The following ENTREP2 variants were observed in gnomAD, a reference collection of about 807,000 sequenced individuals.
ENTREP2 encodes the protein protein ENTREP2.
At chr15:29,420,875 A>G in the ENTREP2 span, among the ~76,000 whole-genome samples, 3 of 152,232 alleles carry the variant, frequency 2.0e-5, no homozygotes, top group Admixed American at 2.0e-4. Context: ...ATGAGGCAAC[A>G]GAAGGCATTC....
the ENTREP2 span, among the ~76,000 whole-genome samples, chr15:29,280,604 T>C: frequency 6.6e-6 from 1 of 152,142 alleles, no homozygotes; most frequent in African/African-American, 2.4e-5. Flanking sequence ...GCACCTGGGT[T>C]ATGAAAGACC....
the ENTREP2 span, among the ~76,000 whole-genome samples, chr15:29,172,955 C>T: frequency 2.0e-5 from 3 of 152,202 alleles, no homozygotes; most frequent in African/African-American, 7.2e-5. Flanking sequence ...GGAGGCCCAC[C>T]AGTGATAAAA....
At chr15:29,534,546 TA>T in the ENTREP2 span, among the ~76,000 whole-genome samples, 1 of 152,256 alleles carries the variant, frequency 6.6e-6, no homozygotes. Context: ...TCCAAGTTTG[TA>T]AAATACTTAA....
At chr15:29,578,643 T>C in the ENTREP2 span, among the ~76,000 whole-genome samples, 1 of 152,218 alleles carries the variant, frequency 6.6e-6, no homozygotes, top group South Asian at 2.1e-4. Context: ...AGAAAAGTAT[T>C]TTTTCAAACA....
At chr15:29,520,247 A>G in the ENTREP2 span, among the ~76,000 whole-genome samples, 44 of 152,360 alleles carry the variant, frequency 2.9e-4, no homozygotes, top group African/African-American at 1.1e-3. Flanking sequence ...ATTGAAGAAT[A>G]GTTCTAGCTT....
At chr15:29,615,104 C>T in the ENTREP2 span, among the ~76,000 whole-genome samples, 1 of 151,998 alleles carries the variant, frequency 6.6e-6, no homozygotes, top group African/African-American at 2.4e-5. Context: ...CCCCGCTTCA[C>T]CAAGAGAGGT....
chr15:29,342,952 T>G, the ENTREP2 span, among the ~76,000 whole-genome samples: 1 of 151,128 alleles, frequency 6.6e-6, no homozygotes, highest in Non-Finnish European at 1.5e-5. Context: ...CACGTAAAAG[T>G]TTTTGCTTTG....
the ENTREP2 span, among the ~76,000 whole-genome samples, chr15:29,635,585 G>C: frequency 6.6e-6 from 1 of 152,136 alleles, no homozygotes. Flanking sequence ...GGAATAGCGA[G>C]AGAAGGCTCC....
At chr15:29,330,795 T>C in the ENTREP2 span, among the ~76,000 whole-genome samples, 338 of 152,350 alleles carry the variant, frequency 2.2e-3, 5 homozygotes, top group East Asian at 0.038. Context: ...AAATGCACCA[T>C]AGTAATGTAA....
At chr15:29,243,254 A>G in the ENTREP2 span, among the ~76,000 whole-genome samples, 1 of 152,236 alleles carries the variant, frequency 6.6e-6, no homozygotes, top group Non-Finnish European at 1.5e-5. Context: ...TTCCTATACA[A>G]AGTTACAGAA....
chr15:29,345,692 T>TC, the ENTREP2 span, among the ~76,000 whole-genome samples: 2 of 143,000 alleles, frequency 1.4e-5, no homozygotes, highest in South Asian at 2.4e-4. Flanking sequence ...CTGCCCCACA[T>TC]CCCCCCCAGC....
chr15:29,237,877 T>C, the ENTREP2 span, among the ~76,000 whole-genome samples: 1 of 152,174 alleles, frequency 6.6e-6, no homozygotes, highest in Non-Finnish European at 1.5e-5. Context: ...AATGAAAATA[T>C]ATGCACATAA....
At chr15:29,212,991 T>G in the ENTREP2 span, among the ~76,000 whole-genome samples, 1 of 152,242 alleles carries the variant, frequency 6.6e-6, no homozygotes, top group Admixed American at 6.5e-5. Context: ...AGGGATCCAG[T>G]TTCAGCTTTC....
At chr15:29,250,603 C>A in the ENTREP2 span, among the ~76,000 whole-genome samples, 1 of 152,062 alleles carries the variant, frequency 6.6e-6, no homozygotes, top group African/African-American at 2.4e-5. Flanking sequence ...TTGGTGTGAA[C>A]CTCCAGACAC....
At chr15:29,311,058 C>T in the ENTREP2 span, among the ~76,000 whole-genome samples, 1 of 150,438 alleles carries the variant, frequency 6.6e-6, no homozygotes, top group South Asian at 2.1e-4. Context: ...ATGAAGAGGA[C>T]CCGTAAGGAG....
At chr15:29,269,721 T>C in the ENTREP2 span, 250 of 1,503,926 alleles carry the variant, frequency 1.7e-4, no homozygotes, top group Non-Finnish European at 2.1e-4. Context: ...CGGCGGCAGG[T>C]GCCGGCGCAC....
the ENTREP2 span, among the ~76,000 whole-genome samples, chr15:29,573,239 C>G: frequency 6.6e-6 from 1 of 152,132 alleles, no homozygotes; most frequent in South Asian, 2.1e-4. Flanking sequence ...GATCTACTTT[C>G]GCTGTAAAAT....
chr15:29,241,863 C>T, the ENTREP2 span, among the ~76,000 whole-genome samples: 1 of 152,012 alleles, frequency 6.6e-6, no homozygotes, highest in Non-Finnish European at 1.5e-5. Context: ...TGAGACCCCC[C>T]CCCACCACCA....
At chr15:29,237,923 A>G in the ENTREP2 span, among the ~76,000 whole-genome samples, 3 of 152,200 alleles carry the variant, frequency 2.0e-5, no homozygotes, top group African/African-American at 7.2e-5. Context: ...AGCACTGTTC[A>G]TAATAGCCAA....
Sources: gnomAD v4.1 joint callset for allele counts (sites outside exome capture counted in the v4.1 genomes callset) on GRCh38, gnomAD v4.1.1 for gene constraint, MANE v1.5 for transcripts, NCBI Gene and HGNC (gene_info 2026-07-23, HGNC 2026-07-21) for gene names.